AKAP12: variants seen among roughly 807,000 people sequenced by gnomAD.
AKAP12 encodes A-kinase anchoring protein 12.
AKAP12 carries 32 observed loss-of-function variants against 79.9 expected under a neutral mutation model. The observed-to-expected ratio is 0.40, with a 90% CI of 0.30 to 0.54. The LOEUF is 0.54. AKAP12 is among the 20% of genes least tolerant of loss of function. The pLI is 0.48. For missense variants in AKAP12, 2,074 were observed against 2,177.0 expected (o/e 0.95, Z 0.94); for synonymous variants, 808 against 857.0 (o/e 0.94, Z 1.00).
intron 3 of AKAP12, among the ~76,000 whole-genome samples, chr6:151,345,291 G>A (rs1280700189): frequency 6.6e-5 from 10 of 151,158 alleles, no homozygotes; most frequent in Admixed American, 1.3e-4. Context: ...TAGCCAGGAT[G>A]GTCTCGATCT....
At chr6:151,312,436 C>T (rs1314872228) in intron 3 of AKAP12, among the ~76,000 whole-genome samples, 1 of 151,896 alleles carries the variant, frequency 6.6e-6, no homozygotes, top group Admixed American at 6.6e-5. Context: ...CATGATTGCA[C>T]CACTGTACCA....
chr6:151,279,293 ATGGTTT>A (rs771368221), intron 2 of AKAP12, among the ~76,000 whole-genome samples: 1 of 152,124 alleles, frequency 6.6e-6, no homozygotes, highest in Non-Finnish European at 1.5e-5. Context: ...TTTCTCTGGC[ATGGTTT>A]CTAATCCTAA....
chr6:151,357,192 GTTTGTTTGTT>G lies in AKAP12; in HGVS notation c.*1483_*1492del, dbSNP rs1337511831. 1 of 154,234 alleles carries G rather than the reference GTTTGTTTGTT, an allele frequency of 6.5e-6. No homozygotes were observed. The highest frequency in any genetic ancestry group is 1.4e-5 in the Non-Finnish European group (1 of 69,678). 9.6% of individuals were successfully genotyped at this position (154,234 alleles called of 1,614,324 possible). A position where few individuals can be genotyped will look rare whatever the true frequency, so the allele number is the denominator to read the frequency against. ...TGAGGGTTTGTTTTTTTGTTTGTTT[GTTTGTTTGTT>G]TTTGAGACAGAGTTTCGCTCTTGTT... On this transcript the variant is annotated 3_prime_UTR_variant, in exon 5 of 5. Coordinates refer to ENST00000402676, the MANE Select transcript of AKAP12 (RefSeq NM_005100.4).
intron 3 of AKAP12, among the ~76,000 whole-genome samples, chr6:151,342,856 G>A (rs1296423705): frequency 4.6e-5 from 7 of 151,640 alleles, no homozygotes; most frequent in Non-Finnish European, 7.4e-5. Context: ...TCCACCTCCC[G>A]GGTTCAAGTG....
intron 3 of AKAP12, chr6:151,324,831 C>G: frequency 1.0e-6 from 1 of 985,370 alleles, no homozygotes; most frequent in Middle Eastern, 5.2e-4. Context: ...AAAGAACAAA[C>G]CTGAAGCTTC....
rs937128943 is a variant in AKAP12, at chr6:151,240,508, C to T, written c.-55C>T. On this transcript the variant is annotated 5_prime_UTR_variant, in exon 2 of 5. Transcript: ENST00000402676. ...CTTTTGGCTCTTGCCCCTGTCCCTG[C>T]GGCTTGGGGAAGGCGTAACCCGGCG... The T allele has an allele frequency of 1.5e-6, 2 of 1,370,774 alleles. No individual in the cohort carries two copies. The highest frequency in any genetic ancestry group is 1.7e-5 in the South Asian group (1 of 60,144). The allele number at this position is 1,370,774 out of a possible 1,614,324, so 84.9% of individuals were successfully genotyped here. A position where few individuals can be genotyped will look rare whatever the true frequency, so the allele number is the denominator to read the frequency against.
At chr6:151,325,600 C>T in intron 3 of AKAP12, 2 of 1,352,276 alleles carry the variant, frequency 1.5e-6, no homozygotes, top group Non-Finnish European at 1.9e-6. Context: ...CCAGCGCCAG[C>T]CCGCGTGTGG....
intron 3 of AKAP12, chr6:151,344,072 CTAA>C (rs1231009367): frequency 3.5e-6 from 1 of 286,952 alleles, no homozygotes; most frequent in Non-Finnish European, 6.9e-6. Context: ...TTTGTTAAGT[CTAA>C]TGTTGGTCAC....
Position 151,322,274 on chromosome 6 carries a change from T to C in AKAP12, c.319+16371T>C, listed in dbSNP as rs545485041. ...GTGAGGTGGTTTTGATTTGCATTTTTCTAAGGGCTAATAACGTTGGACGTA... is the reference window on the plus strand; with the variant it reads ...GTGAGGTGGTTTTGATTTGCATTTTCCTAAGGGCTAATAACGTTGGACGTA... On this transcript the variant is annotated intron_variant, in intron 3 of 4. Transcript: ENST00000402676. Among the ~76,000 whole-genome samples, 3 of 152,254 alleles carry C rather than the reference T, an allele frequency of 2.0e-5. No individual in the cohort carries two copies. The East Asian group carries it at 5.8e-4, about 29-fold the overall frequency.
At chr6:151,308,112 T>C (rs1777015137) in intron 3 of AKAP12, among the ~76,000 whole-genome samples, 1 of 151,994 alleles carries the variant, frequency 6.6e-6, no homozygotes, top group Admixed American at 6.6e-5. Flanking sequence ...TGACCTCAAG[T>C]GATATGCCTG....
At chr6:151,309,762 A>G (rs1777050318) in intron 3 of AKAP12, among the ~76,000 whole-genome samples, 1 of 152,198 alleles carries the variant, frequency 6.6e-6, no homozygotes. Context: ...TTATAATGAA[A>G]ATAAACACAA....
chr6:151,243,192 T>C (rs1205153165), intron 2 of AKAP12, among the ~76,000 whole-genome samples: 1 of 152,224 alleles, frequency 6.6e-6, no homozygotes, highest in Non-Finnish European at 1.5e-5. Flanking sequence ...AATGAGTCCA[T>C]TTCATACCCT....
intron 3 of AKAP12, 31 bp from the exon 4 acceptor site, chr6:151,348,680 T>TGGGGGGGGGGGCCCCCCCCCC: frequency 2.8e-6 from 1 of 355,202 alleles, no homozygotes; most frequent in East Asian, 5.8e-5. Flanking sequence ...TTTTCTCTTC[T>TGGGGGGGGGGGCCCCCCCCCC]CCCCACCCCC....
intron 3 of AKAP12, among the ~76,000 whole-genome samples, chr6:151,339,173 C>T (rs1330473742): frequency 2.0e-5 from 3 of 152,178 alleles, no homozygotes; most frequent in Non-Finnish European, 2.9e-5. Flanking sequence ...TAGGAGTTGA[C>T]ATATCGAAAT....
At chr6:151,271,557 A>G (rs1776182044) in intron 2 of AKAP12, among the ~76,000 whole-genome samples, 1 of 151,968 alleles carries the variant, frequency 6.6e-6, no homozygotes, top group Non-Finnish European at 1.5e-5. Flanking sequence ...CCTGAGGTCA[A>G]GCAATCCGCC....
intron 2 of AKAP12, among the ~76,000 whole-genome samples, chr6:151,304,347 G>A (rs1338507379): frequency 6.6e-6 from 1 of 151,392 alleles, no homozygotes; most frequent in Non-Finnish European, 1.5e-5. Context: ...AAATTAGCCA[G>A]GCATGGTGGT....
At chr6:151,297,842 T>C (rs1282461547) in intron 2 of AKAP12, among the ~76,000 whole-genome samples, 1 of 152,132 alleles carries the variant, frequency 6.6e-6, no homozygotes, top group Non-Finnish European at 1.5e-5. Context: ...GAGGACCATT[T>C]ATAAAAGGTG....
At chr6:151,258,875 A>G (rs1437803452) in intron 2 of AKAP12, among the ~76,000 whole-genome samples, 1 of 151,230 alleles carries the variant, frequency 6.6e-6, no homozygotes, top group Admixed American at 6.6e-5. Context: ...TGATCTGCCC[A>G]CCTCAGCCTC....
Position 151,357,250 on chromosome 6 carries a change from A to C in AKAP12, c.*1536A>C, listed in dbSNP as rs6908314. ...GTTGCCCAGGCTGGAGTGCAATGGC[A>C]CGATCTCAGCTCACCGCAACCTCCA... On this transcript the variant is annotated 3_prime_UTR_variant, in exon 5 of 5. Coordinates refer to ENST00000402676, the MANE Select transcript of AKAP12 (RefSeq NM_005100.4). 83,528 of 153,422 alleles carry C rather than the reference A, an allele frequency of 0.54. 24,837 individuals are homozygous for C. The highest frequency in any genetic ancestry group is 0.67 in the Non-Finnish European group (46,492 of 69,184). The allele number at this position is 153,422 out of a possible 1,614,324, so 9.5% of individuals were successfully genotyped here. A position where few individuals can be genotyped will look rare whatever the true frequency, so the allele number is the denominator to read the frequency against.
Sources: gnomAD v4.1 joint callset for allele counts (sites outside exome capture counted in the v4.1 genomes callset) on GRCh38, gnomAD v4.1.1 for gene constraint, MANE v1.5 for transcripts, NCBI Gene and HGNC (gene_info 2026-07-23, HGNC 2026-07-21) for gene names.